The following DGCR2 variants were observed in gnomAD, a reference collection of about 807,000 sequenced individuals.
DGCR2 encodes the protein integral membrane protein DGCR2/IDD.
Under a neutral mutation model 51.6 loss-of-function variants are expected in DGCR2, and 24 were observed. The observed-to-expected ratio is 0.47, with a 90% CI of 0.34 to 0.65. The LOEUF (loss-of-function observed/expected upper bound fraction) is 0.65, where lower values mean the gene tolerates loss of function less well. DGCR2 is among the 30% of genes least tolerant of loss of function. The probability of loss-of-function intolerance (pLI) is 0.01; values close to 1 mark genes in which losing one functional copy is unlikely to be tolerated. For missense variants in DGCR2, 765 were observed against 772.1 expected (o/e 0.99, Z 0.11); for synonymous variants, 340 against 315.4 (o/e 1.08, Z -0.82).
At chr22:19,075,585 C>A (rs1000843532) in intron 2 of DGCR2, among the ~76,000 whole-genome samples, 1 of 152,212 alleles carries the variant, frequency 6.6e-6, no homozygotes, top group African/African-American at 2.4e-5. Context: ...CATTACCTCC[C>A]AATTTTTCTC....
At chr22:19,108,616 C>T (rs1031279043) in intron 1 of DGCR2, among the ~76,000 whole-genome samples, 1 of 132,384 alleles carries the variant, frequency 7.6e-6, no homozygotes, top group Non-Finnish European at 1.6e-5. Context: ...ATGCACAGGC[C>T]AACAGAACAG....
chr22:19,041,750 T>C, intron 8 of DGCR2, 57 bp downstream of exon 8: 7 of 1,569,572 alleles, frequency 4.5e-6, no homozygotes, highest in Non-Finnish European at 6.1e-6. Context: ...CATGGAGACA[T>C]GGGGTGACCT....
chr22:19,053,624 T>TC (rs2082571833), intron 6 of DGCR2, among the ~76,000 whole-genome samples: 3 of 152,156 alleles, frequency 2.0e-5, no homozygotes, highest in South Asian at 2.1e-4. Flanking sequence ...ACTACTGAAC[T>TC]CAGTCTCTAT....
At chr22:19,106,613 G>A (rs1468111444) in intron 1 of DGCR2, among the ~76,000 whole-genome samples, 1 of 152,204 alleles carries the variant, frequency 6.6e-6, no homozygotes, top group Non-Finnish European at 1.5e-5. Flanking sequence ...GGAAAATGAT[G>A]AGATTGGAAG....
At chr22:19,102,722 G>T (rs1483660684) in intron 1 of DGCR2, among the ~76,000 whole-genome samples, 4 of 151,942 alleles carry the variant, frequency 2.6e-5, no homozygotes, top group Non-Finnish European at 5.9e-5. Flanking sequence ...AGGTTAAAAT[G>T]GGGCTGGGCA....
At chr22:19,095,234 T>C (rs1041574912) in intron 1 of DGCR2, among the ~76,000 whole-genome samples, 1 of 151,992 alleles carries the variant, frequency 6.6e-6, no homozygotes, top group Non-Finnish European at 1.5e-5. Flanking sequence ...TGGTGGTGCA[T>C]GCCTATAATC....
intron 2 of DGCR2, 86 bp downstream of exon 2, chr22:19,089,282 C>T: frequency 1.4e-6 from 2 of 1,410,852 alleles, no homozygotes; most frequent in South Asian, 1.5e-5. Context: ...AGACAGCACA[C>T]ACCTCCACCC....
At chr22:19,073,922 T>C (rs1001727593) in intron 2 of DGCR2, among the ~76,000 whole-genome samples, 6 of 152,056 alleles carry the variant, frequency 3.9e-5, no homozygotes, top group East Asian at 1.9e-4. Flanking sequence ...TCTCCCACAC[T>C]GATGGTGAAC....
intron 6 of DGCR2, among the ~76,000 whole-genome samples, chr22:19,049,687 C>T (rs1488063221): frequency 2.6e-5 from 4 of 152,058 alleles, no homozygotes; most frequent in Admixed American, 1.3e-4. Flanking sequence ...ATTAGCCAAG[C>T]GTGGTGGCAT....
At chr22:19,077,661 C>A (rs1225938957) in intron 2 of DGCR2, among the ~76,000 whole-genome samples, 2 of 152,068 alleles carry the variant, frequency 1.3e-5, no homozygotes, top group Admixed American at 1.3e-4. Flanking sequence ...ACTGTTCTGG[C>A]TCTTTGGAGT....
intron 2 of DGCR2, among the ~76,000 whole-genome samples, chr22:19,076,617 G>A (rs1411601574): frequency 2.6e-5 from 4 of 151,642 alleles, no homozygotes; most frequent in Non-Finnish European, 5.9e-5. Context: ...TCTAATGGCT[G>A]TGAGCTATTT....
chr22:19,103,416 CTTTTTTTTTTTTTTTTTTTTT>C (rs55877455), intron 1 of DGCR2, among the ~76,000 whole-genome samples: 2 of 67,716 alleles, frequency 3.0e-5, no homozygotes, highest in African/African-American at 4.9e-5. Context: ...AAAAAAAGTT[CTTTTTTTTTTTTTTTTTTTTT>C]TTTTTTTTTT....
chr22:19,079,598 T>C (rs1045988294), intron 2 of DGCR2, among the ~76,000 whole-genome samples: 1 of 152,258 alleles, frequency 6.6e-6, no homozygotes, highest in Non-Finnish European at 1.5e-5. Context: ...GAGGGATTAC[T>C]GTGTGCTACA....
Position 19,038,837 on chromosome 22 carries a change from C to T in DGCR2, c.*28G>A. 1 of 1,601,396 alleles carries T rather than the reference C, an allele frequency of 6.2e-7. No homozygotes were observed. On this transcript the variant is annotated 3_prime_UTR_variant, in exon 10 of 10. Transcript: ENST00000263196. ...GTTTTCTACAACAGACAGGTGCTCC[C>T]AGACCGTTGGGGTACAGGCCAGGCC...
chr22:19,074,222 C>T (rs986115204), intron 2 of DGCR2, among the ~76,000 whole-genome samples: 29 of 151,878 alleles, frequency 1.9e-4, no homozygotes, highest in African/African-American at 6.5e-4. Flanking sequence ...GTCAAGAGTT[C>T]GAGACTAGCC....
intron 1 of DGCR2, among the ~76,000 whole-genome samples, chr22:19,097,028 GA>G (rs2083148965): frequency 6.6e-6 from 1 of 151,950 alleles, no homozygotes; most frequent in Non-Finnish European, 1.5e-5. Flanking sequence ...ATTATTTTTG[GA>G]AATAGTTGAG....
intron 1 of DGCR2, among the ~76,000 whole-genome samples, chr22:19,100,845 C>T (rs971458131): frequency 6.6e-6 from 1 of 152,172 alleles, no homozygotes; most frequent in African/African-American, 2.4e-5. Flanking sequence ...TGGTTCACGT[C>T]TGTAACCCCA....
At chr22:19,111,135 C>G (rs1243651292) in intron 1 of DGCR2, among the ~76,000 whole-genome samples, 3 of 152,194 alleles carry the variant, frequency 2.0e-5, no homozygotes, top group African/African-American at 7.2e-5. Flanking sequence ...AGGTGACACT[C>G]TAATAAGCCT....
intron 4 of DGCR2, 134 bp from the exon 5 acceptor site, chr22:19,063,412 C>T: frequency 1.3e-6 from 1 of 766,120 alleles, no homozygotes; most frequent in South Asian, 1.7e-5. Flanking sequence ...GCGATCTCGG[C>T]TCACTGCAAC....
Sources: allele counts gnomAD v4.1 joint callset (sites outside exome capture counted in the v4.1 genomes callset), GRCh38; gene constraint gnomAD v4.1.1; transcripts MANE v1.5; gene names NCBI Gene and HGNC (gene_info 2026-07-23, HGNC 2026-07-21).